SOCS5: variants seen among roughly 807,000 people sequenced by gnomAD.
The protein encoded by SOCS5 is CIS-6.
SOCS5 carries 32 observed loss-of-function variants against 42.8 expected under a neutral mutation model. The ratio of observed to expected loss-of-function variants is 0.75; its 90% CI spans 0.56 to 1.01. The LOEUF (loss-of-function observed/expected upper bound fraction) is 1.01. Among genes scored for constraint, SOCS5 ranks in the 50% least tolerant of loss-of-function variants. SOCS5 has a pLI of 0.00. For missense variants in SOCS5, 627 were observed against 653.0 expected (o/e 0.96, Z 0.43); for synonymous variants, 283 against 229.6 (o/e 1.23, Z -2.10).
intron 1 of SOCS5, among the ~76,000 whole-genome samples, chr2:46,731,550 C>T (rs911065220): frequency 1.3e-5 from 2 of 152,166 alleles, no homozygotes; most frequent in Admixed American, 1.3e-4. Context: ...AGGACTTACG[C>T]AAAAATGTGA....
intron 1 of SOCS5, among the ~76,000 whole-genome samples, chr2:46,738,650 G>A (rs1356706249): frequency 6.6e-6 from 1 of 152,142 alleles, no homozygotes; most frequent in Non-Finnish European, 1.5e-5. Flanking sequence ...TTGTATTTGA[G>A]GAGGTGAAAA....
intron 1 of SOCS5, among the ~76,000 whole-genome samples, chr2:46,747,980 A>G (rs1673541185): frequency 6.6e-6 from 1 of 152,176 alleles, no homozygotes; most frequent in Non-Finnish European, 1.5e-5. Flanking sequence ...CTAAATTTGT[A>G]TGTTACATGC....
chr2:46,702,580 T>C (rs995720530), intron 1 of SOCS5, among the ~76,000 whole-genome samples: 1 of 152,238 alleles, frequency 6.6e-6, no homozygotes, highest in African/African-American at 2.4e-5. Context: ...ATAAGGTCTA[T>C]TATTGATCTC....
rs116459706 is a variant in SOCS5, at chr2:46,739,030, C to T, written c.-12-19489C>T. The stretch of plus-strand genomic sequence containing the variant: ...TTGTAAATTATTGAACTATTTAACA[C>T]GTTTAATTTTTACACCATTTGAAGT... On this transcript the variant is annotated intron_variant, in intron 1 of 1. Coordinates refer to ENST00000394861, the MANE Select transcript of SOCS5 (RefSeq NM_144949.3). Among the ~76,000 whole-genome samples the T allele has an allele frequency of 8.2e-3, 1,250 of 152,170 alleles. 8 individuals are homozygous for T. The highest frequency in any genetic ancestry group is 0.015 in the African/African-American group (606 of 41,518).
rs72802461 is a variant in SOCS5, at chr2:46,743,987, A to G, written c.-12-14532A>G. ...TATCAGGGATGATGTCTTTTATACTATTTTCTTTCTTTTTTTTTTTGAGAA... is the reference window on the plus strand; with the variant it reads ...TATCAGGGATGATGTCTTTTATACTGTTTTCTTTCTTTTTTTTTTTGAGAA... On this transcript the variant is annotated intron_variant, in intron 1 of 1. Coordinates refer to ENST00000394861, the MANE Select transcript of SOCS5 (RefSeq NM_144949.3). 4.4e-4 allele frequency among the ~76,000 whole-genome samples: 51 copies of G among 117,122 alleles called. No homozygotes were observed. The East Asian group carries it at 0.011, about 26-fold the overall frequency. The allele number at this position is 117,122 out of a possible 152,430, so 76.8% of individuals were successfully genotyped here. A position where few individuals can be genotyped will look rare whatever the true frequency, so the allele number is the denominator to read the frequency against.
At chr2:46,738,993 T>C (rs538794090) in intron 1 of SOCS5, among the ~76,000 whole-genome samples, 1 of 152,364 alleles carries the variant, frequency 6.6e-6, no homozygotes, top group African/African-American at 2.4e-5. Context: ...ATGAGCATTA[T>C]ATTCTTAAAT....
intron 1 of SOCS5, among the ~76,000 whole-genome samples, chr2:46,714,227 A>G (rs184562708): frequency 1.2e-3 from 184 of 152,282 alleles, no homozygotes; most frequent in Admixed American, 2.0e-3. Flanking sequence ...AACTATTGTG[A>G]GAGGAGGGTT....
Position 46,758,874 on chromosome 2 carries a change from C to G in SOCS5, c.344C>G (p.Ser115Cys). The G allele has an allele frequency of 6.2e-7, 1 of 1,613,986 alleles. No individual in the cohort carries two copies. Among genetic ancestry groups the G allele is most frequent in the South Asian group, 1.1e-5 (1 of 91,072 alleles). The change falls in exon 2 of 2, where the codon TCT becomes TGT. Residue 115 changes from serine to cysteine, a missense_variant. Ser to Cys is a moderately radical substitution (Grantham distance 112). Coordinates refer to ENST00000394861, the MANE Select transcript of SOCS5 (RefSeq NM_144949.3). Reference protein sequence around the residue: ...GTRLARRDSYSRHAPWGGKKK... With the variant: ...GTRLARRDSYCRHAPWGGKKK... ...AGACTTGCACGAAGAGATTCCTACTCTCGACATGCTCCATGGGGTGGGAAG... is the reference window on the plus strand; with the variant it reads ...AGACTTGCACGAAGAGATTCCTACTGTCGACATGCTCCATGGGGTGGGAAG...
chr2:46,736,692 T>C (rs1369970180), intron 1 of SOCS5, among the ~76,000 whole-genome samples: 1 of 152,200 alleles, frequency 6.6e-6, no homozygotes, highest in Non-Finnish European at 1.5e-5. Context: ...CCATTACGTA[T>C]GTAGCACATT....
chr2:46,709,724 A>G (rs908714556), intron 1 of SOCS5, among the ~76,000 whole-genome samples: 8 of 152,292 alleles, frequency 5.3e-5, no homozygotes, highest in African/African-American at 1.2e-4. Flanking sequence ...TGGAATTGCA[A>G]CTCCCTAAAG....
At chr2:46,715,677 G>A (rs995647870) in intron 1 of SOCS5, among the ~76,000 whole-genome samples, 13 of 152,048 alleles carry the variant, frequency 8.5e-5, no homozygotes, top group African/African-American at 2.4e-4. Context: ...TGTAATTCTT[G>A]TATTTGTTTC....
chr2:46,761,606 C>T lies in SOCS5; in HGVS notation c.*1465C>T, dbSNP rs1673871361. On this transcript the variant is annotated 3_prime_UTR_variant, in exon 2 of 2. Coordinates refer to ENST00000394861, the MANE Select transcript of SOCS5 (RefSeq NM_144949.3). The stretch of plus-strand genomic sequence containing the variant: ...GTGCTAATAAAGTATGTTTGGTGTT[C>T]TCCTTGTATATCTGCTGTTTTATAC... The T allele has an allele frequency of 6.0e-6, 1 of 166,930 alleles. No individual in the cohort carries two copies. Among genetic ancestry groups the T allele is most frequent in the Non-Finnish European group, 1.5e-5 (1 of 68,106 alleles). 10.3% of individuals were successfully genotyped at this position (166,930 alleles called of 1,614,324 possible). A position where few individuals can be genotyped will look rare whatever the true frequency, so the allele number is the denominator to read the frequency against.
rs557641748 is a variant in SOCS5 at position 46,748,377 on chromosome 2, C to T, written c.-12-10142C>T. Among the ~76,000 whole-genome samples the T allele has an allele frequency of 4.0e-5, 6 of 151,842 alleles. No homozygotes were observed. In the East Asian group the frequency reaches 9.7e-4, roughly 25 times the overall value. On this transcript the variant is annotated intron_variant, in intron 1 of 1. Transcript: ENST00000394861. ...ATTTTAGAAAATCTTATTGTAGAGA[C>T]AGGGTCTGTCTGTTGCTCAGGCTGG... is the stretch of plus-strand genomic sequence containing the variant.
In SOCS5 at chr2:46,762,759, A is replaced by G. The variant is rs1673898157; in HGVS notation, c.*2618A>G. The G allele has an allele frequency of 6.0e-6, 1 of 165,578 alleles. No homozygotes were observed. The allele number at this position is 165,578 out of a possible 1,614,324, so 10.3% of individuals were successfully genotyped here. The stretch of plus-strand genomic sequence containing the variant: ...AACGGTCTTTTTAAAGTGCATTTAA[A>G]TACAAACCAGGAATTTCTTTAGAAG... On this transcript the variant is annotated 3_prime_UTR_variant, in exon 2 of 2. Transcript: ENST00000394861.
chr2:46,721,981 A>T (rs1021296998), intron 1 of SOCS5, among the ~76,000 whole-genome samples: 1 of 152,110 alleles, frequency 6.6e-6, no homozygotes, highest in African/African-American at 2.4e-5. Context: ...TTCCATATTA[A>T]TAATGGACAG....
intron 1 of SOCS5, among the ~76,000 whole-genome samples, chr2:46,751,408 T>C (rs1159228215): frequency 6.6e-6 from 1 of 151,960 alleles, no homozygotes; most frequent in African/African-American, 2.4e-5. Flanking sequence ...TAAAAAAAAA[T>C]ACACTTTATA....
intron 1 of SOCS5, among the ~76,000 whole-genome samples, chr2:46,700,941 A>C (rs986803941): frequency 2.6e-5 from 4 of 152,218 alleles, no homozygotes; most frequent in Admixed American, 2.6e-4. Flanking sequence ...ATATTTTGGA[A>C]AAATTTGTAT....
At chr2:46,727,310 T>G (rs1673020820) in intron 1 of SOCS5, among the ~76,000 whole-genome samples, 1 of 152,114 alleles carries the variant, frequency 6.6e-6, no homozygotes, top group Non-Finnish European at 1.5e-5. Context: ...TGCTTTAAAG[T>G]CTTTGTCAGA....
At chr2:46,717,598 T>G (rs1359192902) in intron 1 of SOCS5, among the ~76,000 whole-genome samples, 1 of 152,204 alleles carries the variant, frequency 6.6e-6, no homozygotes, top group Non-Finnish European at 1.5e-5. Context: ...TGATGAGAAG[T>G]CAGTGGTATT....
Sources: allele counts gnomAD v4.1 joint callset (sites outside exome capture counted in the v4.1 genomes callset), GRCh38; gene constraint gnomAD v4.1.1; transcripts MANE v1.5; gene names NCBI Gene and HGNC (gene_info 2026-07-23, HGNC 2026-07-21).